Variants in MROH2A observed in about 807,000 individuals in gnomAD.
The protein encoded by MROH2A is maestro heat-like repeat-containing protein family member 2A.
MROH2A carries 174 observed loss-of-function variants against 200.4 expected under a neutral mutation model. That is an observed-to-expected ratio of 0.87 (90% CI 0.77 to 0.98). The LOEUF is 0.98. MROH2A is among the 50% of genes least tolerant of loss of function. The pLI is 0.00. For synonymous variants in MROH2A, 829 were observed against 840.4 expected (o/e 0.99, Z 0.23); for missense variants, 2,045 against 2,139.6 (o/e 0.96, Z 0.87).
chr2:233,832,738 C>G, intron 41 of MROH2A, 94 bp downstream of exon 41: 2 of 864,020 alleles, frequency 2.3e-6, no homozygotes, highest in Admixed American at 4.3e-5. Context: ...GCCAGAGGAC[C>G]CTTTGCTGTG....
intron 38 of MROH2A, among the ~76,000 whole-genome samples, chr2:233,830,579 G>A (rs1002299437): frequency 6.6e-6 from 1 of 152,150 alleles, no homozygotes; most frequent in Non-Finnish European, 1.5e-5. Context: ...GTGGGGTGGA[G>A]CGGGTGGCCC....
At position 233,819,976 on chromosome 2, in the gene MROH2A, T is replaced by A. The variant is rs1386175139; in HGVS notation, c.3432T>A (p.Ile1144=). The change falls in exon 31 of 42, where the codon ATT becomes ATA. Residue 1144 remains isoleucine (I), a synonymous_variant. Coordinates refer to ENST00000389758, the MANE Select transcript of MROH2A (RefSeq NM_001394639.1). ...VDHPEVRRLL[I]DGILLLAHHH... ...ACCCAGAGGTGCGGCGCCTTCTCAT[T>A]GACGGCATCCTGCTGCTGGCGCACC... 5.8e-6 allele frequency: 9 copies of A among 1,546,808 alleles called. No individual in the cohort carries two copies. In the South Asian group the frequency reaches 7.2e-5, roughly 12 times the overall value.
At chr2:233,810,966 A>G in intron 23 of MROH2A, 50 bp downstream of exon 23, 1 of 1,542,536 alleles carries the variant, frequency 6.5e-7, no homozygotes. Flanking sequence ...TTTGGGGTCT[A>G]ACTCCCTGCG....
chr2:233,822,594 G>A, intron 33 of MROH2A, 38 bp downstream of exon 33: 1 of 1,535,436 alleles, frequency 6.5e-7, no homozygotes, highest in South Asian at 1.2e-5. Flanking sequence ...CAGCAGGCCT[G>A]GGCTGGCTGT....
chr2:233,803,350 G>C, intron 15 of MROH2A, 98 bp from the exon 16 acceptor site: 1 of 1,308,716 alleles, frequency 7.6e-7, no homozygotes, highest in South Asian at 1.3e-5. Context: ...TCATGTTGGG[G>C]AGGAACCTTC....
chr2:233,822,776 C>A, intron 33 of MROH2A, 105 bp from the exon 34 acceptor site: 1 of 1,401,784 alleles, frequency 7.1e-7, no homozygotes, highest in Non-Finnish European at 9.7e-7. Flanking sequence ...GTCCCTTGGG[C>A]TGGGCCCGGC....
intron 33 of MROH2A, 81 bp from the exon 34 acceptor site, chr2:233,822,800 C>T (rs1382894837): frequency 3.3e-6 from 5 of 1,512,126 alleles, no homozygotes; most frequent in Non-Finnish European, 4.5e-6. Context: ...CACTGGGGCC[C>T]CACTTCACAG....
chr2:233,783,707 G>T (rs367935274), intron 3 of MROH2A, among the ~76,000 whole-genome samples: 1 of 151,920 alleles, frequency 6.6e-6, no homozygotes, highest in African/African-American at 2.4e-5. Context: ...CACCATGCCC[G>T]GCTAATTTTT....
chr2:233,817,883 C>T, intron 27 of MROH2A, 119 bp from the exon 28 acceptor site: 1 of 1,263,218 alleles, frequency 7.9e-7, no homozygotes, highest in South Asian at 1.5e-5. Flanking sequence ...TCCCCTTCCC[C>T]AAATGGGTGT....
chr2:233,778,855 C>T (rs755465749), intron 1 of MROH2A, among the ~76,000 whole-genome samples: 27 of 152,352 alleles, frequency 1.8e-4, no homozygotes, highest in East Asian at 1.3e-3. Flanking sequence ...GATTATCTCA[C>T]GGTTCCACTG....
chr2:233,792,930 A>T, intron 6 of MROH2A, 36 bp downstream of exon 6: 1 of 1,548,188 alleles, frequency 6.5e-7, no homozygotes, highest in East Asian at 2.4e-5. Flanking sequence ...GTCTGGCTCG[A>T]TCAGGGCGCC....
intron 21 of MROH2A, among the ~76,000 whole-genome samples, chr2:233,808,755 G>A (rs889411254): frequency 4.0e-5 from 6 of 151,710 alleles, no homozygotes; most frequent in Admixed American, 1.3e-4. Context: ...CCAGCCTCAT[G>A]TGTGCCTGAC....
Position 233,828,977 on chromosome 2 carries a change from G to A in MROH2A, c.4351G>A (p.Glu1451Lys). ...VSNSVTAEGM[E>K]ALTKILAELR... is the part of the protein sequence containing the mutation. Reference sequence around the variant, plus strand: ...CAACAGCGTGACTGCCGAGGGCATGGAGGCCCTGACCAAGATCCTGGCTGA... The same window carrying A: ...CAACAGCGTGACTGCCGAGGGCATGAAGGCCCTGACCAAGATCCTGGCTGA... The change falls in exon 37 of 42, where the codon GAG becomes AAG. Residue 1451 changes from glutamate to lysine, a missense_variant. Transcript: ENST00000389758. This position sits in a 1 kb window ranked among gnomAD's most constrained non-coding sequence, Gnocchi z 4.6. 1 of 1,550,558 alleles carries A rather than the reference G, an allele frequency of 6.4e-7. No homozygotes were observed. The highest frequency in any genetic ancestry group is 8.7e-7 in the Non-Finnish European group (1 of 1,146,980).
Position 233,802,229 on chromosome 2 carries a change from C to T in MROH2A, c.1622C>T (p.Pro541Leu). 1 of 1,550,502 alleles carries T rather than the reference C, an allele frequency of 6.4e-7. No individual in the cohort carries two copies. The highest frequency in any genetic ancestry group is 1.4e-5 in the African/African-American group (1 of 73,138). ...ACAGACTACGTGGAAGCTTTGACTC[C>T]TATCTGTATCAGCCTCACAAACCTG... ...METDYVEALT[P>L]ICISLTNLAE... Residue 541 changes from proline (P) to leucine (L), a missense_variant, in exon 15 of 42, where the codon CCT becomes CTT. Coordinates refer to ENST00000389758, the MANE Select transcript of MROH2A (RefSeq NM_001394639.1).
intron 24 of MROH2A, among the ~76,000 whole-genome samples, chr2:233,813,306 C>T (rs1482821413): frequency 2.0e-5 from 3 of 152,172 alleles, no homozygotes; most frequent in African/African-American, 4.8e-5. Context: ...GATGGTGGTC[C>T]AAGCATTACC....
At chr2:233,791,338 C>T (rs1477421654) in intron 5 of MROH2A, among the ~76,000 whole-genome samples, 1 of 152,038 alleles carries the variant, frequency 6.6e-6, no homozygotes, top group Non-Finnish European at 1.5e-5. Flanking sequence ...TGGGAAGGGG[C>T]TCTGAGACGG....
chr2:233,785,752 G>T (rs1353988396), intron 3 of MROH2A, among the ~76,000 whole-genome samples: 1 of 152,166 alleles, frequency 6.6e-6, no homozygotes, highest in Non-Finnish European at 1.5e-5. Flanking sequence ...ATTAGGACAG[G>T]TGGATAGTGG....
intron 8 of MROH2A, among the ~76,000 whole-genome samples, chr2:233,795,373 T>G (rs1393298634): frequency 6.6e-6 from 1 of 152,110 alleles, no homozygotes; most frequent in African/African-American, 2.4e-5. Flanking sequence ...GGCTAAATAA[T>G]GGGATTCACT....
At chr2:233,800,378 A>G (rs576895154) in intron 14 of MROH2A, 63 bp downstream of exon 14, 10 of 925,856 alleles carry the variant, frequency 1.1e-5, no homozygotes, top group Non-Finnish European at 1.6e-5. Context: ...TGAACCACAC[A>G]TGCCCAGAAT....
Sources: allele counts gnomAD v4.1 joint callset (sites outside exome capture counted in the v4.1 genomes callset), GRCh38; gene constraint gnomAD v4.1.1; non-coding constraint Gnocchi (gnomAD v3.1); transcripts MANE v1.5; gene names NCBI Gene and HGNC (gene_info 2026-07-23, HGNC 2026-07-21).